Variants in TUSC3 observed in about 807,000 individuals in gnomAD.
The protein encoded by TUSC3 is tumor suppressor candidate 3.
In TUSC3, 45 loss-of-function variants were observed where a neutral mutation model predicts 44.8. That is an observed-to-expected ratio of 1.00 (90% confidence interval 0.79 to 1.29). The LOEUF is 1.29. Among genes scored for constraint, TUSC3 ranks in the 50% most tolerant of loss-of-function variants. The pLI is 0.00. For missense variants in TUSC3, 519 were observed against 437.9 expected (o/e 1.19, Z -1.65); for synonymous variants, 212 against 152.9 (o/e 1.39, Z -2.85).
At position 15,764,388 on chromosome 8, in the gene TUSC3, G is replaced by T. The variant is rs1812270079; in HGVS notation, c.*232G>T. On this transcript the variant is annotated 3_prime_UTR_variant, in exon 11 of 11. Coordinates refer to ENST00000503731, the MANE Select transcript of TUSC3 (RefSeq NM_006765.4). ...ATTTAATTTACAGAAATCAATGGTA[G>T]CATTTAGTAATCTACAAAGGAAATA... The T allele has an allele frequency of 1.6e-6, 1 of 644,468 alleles. No homozygotes were observed. The allele number at this position is 644,468 out of a possible 1,614,324, so 39.9% of individuals were successfully genotyped here. A position where few individuals can be genotyped will look rare whatever the true frequency, so the allele number is the denominator to read the frequency against.
At chr8:15,788,014 A>C in the TUSC3 span, among the ~76,000 whole-genome samples, 1 of 152,156 alleles carries the variant, frequency 6.6e-6, no homozygotes, top group African/African-American at 2.4e-5. Flanking sequence ...CATAACTTTC[A>C]GGGGAACATT....
chr8:15,535,491 C>T (rs1801509183), upstream of TUSC3, among the ~76,000 whole-genome samples: 2 of 152,066 alleles, frequency 1.3e-5, no homozygotes, highest in Admixed American at 6.6e-5. Flanking sequence ...AAGTTTCTAC[C>T]GTCCTAGAGC....
In TUSC3 at chr8:15,623,072, A is replaced by G; in HGVS notation, c.139-8A>G. ...TTTGTAAATGTTAATTTCTGTGTTT[A>G]ATTGCAGAATCTTTTAGCTGAAAAA... On this transcript the variant is annotated splice_polypyrimidine_tract_variant and splice_region_variant and intron_variant, in intron 1 of 10. Transcript: ENST00000503731. 1 of 1,613,342 alleles carries G rather than the reference A, an allele frequency of 6.2e-7. No individual in the cohort carries two copies. Among genetic ancestry groups the G allele is most frequent in the South Asian group, 1.1e-5 (1 of 90,980 alleles).
At chr8:15,754,951 G>C (rs530606833) in intron 9 of TUSC3, among the ~76,000 whole-genome samples, 3 of 151,836 alleles carry the variant, frequency 2.0e-5, no homozygotes, top group Admixed American at 6.6e-5. Context: ...TATTTTTTCA[G>C]TACTTCATAG....
At chr8:15,792,180 TTAA>T in the TUSC3 span, among the ~76,000 whole-genome samples, 4,252 of 152,116 alleles carry the variant, frequency 0.028, 110 homozygotes, top group South Asian at 0.11. Context: ...AATAATTTAT[TTAA>T]TATTATTGAA....
intron 1 of TUSC3, among the ~76,000 whole-genome samples, chr8:15,438,345 C>T (rs1043111403): frequency 7.2e-5 from 11 of 152,200 alleles, no homozygotes; most frequent in Non-Finnish European, 1.6e-4. Flanking sequence ...GTCCGCCTGC[C>T]TCGGCCCCCC....
intron 2 of TUSC3, among the ~76,000 whole-genome samples, chr8:15,517,478 A>G (rs901487152): frequency 6.9e-6 from 1 of 144,170 alleles, no homozygotes; most frequent in African/African-American, 2.5e-5. Flanking sequence ...ATAATGACTG[A>G]AAATCTAAAT....
At chr8:15,651,432 T>G (rs1462940783) in intron 3 of TUSC3, among the ~76,000 whole-genome samples, 1 of 152,242 alleles carries the variant, frequency 6.6e-6, no homozygotes, top group Non-Finnish European at 1.5e-5. Flanking sequence ...AATTCATAAG[T>G]TGAAGCCATA....
intron 6 of TUSC3, among the ~76,000 whole-genome samples, chr8:15,715,517 A>T (rs1225555550): frequency 6.6e-6 from 1 of 152,104 alleles, no homozygotes; most frequent in Non-Finnish European, 1.5e-5. Context: ...AGGACACAGC[A>T]GGATGGCATG....
intron 1 of TUSC3, among the ~76,000 whole-genome samples, chr8:15,424,294 T>G (rs1799777855): frequency 6.6e-6 from 1 of 151,866 alleles, no homozygotes; most frequent in African/African-American, 2.4e-5. Context: ...TCCCTGGCTG[T>G]CTCAGGAGTG....
At chr8:15,706,020 T>A (rs1809602517) in intron 6 of TUSC3, among the ~76,000 whole-genome samples, 1 of 151,988 alleles carries the variant, frequency 6.6e-6, no homozygotes, top group Admixed American at 6.6e-5. Context: ...TTATACATGG[T>A]TGGATCTCTC....
chr8:15,653,733 T>C (rs1314423849), intron 3 of TUSC3, among the ~76,000 whole-genome samples: 1 of 152,226 alleles, frequency 6.6e-6, no homozygotes, highest in Admixed American at 6.5e-5. Context: ...GAGAAGTATA[T>C]GTTTTGCTTC....
At chr8:15,584,049 C>A (rs1037779897) in intron 1 of TUSC3, among the ~76,000 whole-genome samples, 3 of 151,150 alleles carry the variant, frequency 2.0e-5, no homozygotes, top group Admixed American at 6.6e-5. Context: ...TACTTAAAGG[C>A]AGTGTAATCA....
chr8:15,573,068 A>C (rs116579885), intron 1 of TUSC3, among the ~76,000 whole-genome samples: 1 of 151,860 alleles, frequency 6.6e-6, no homozygotes, highest in Admixed American at 6.6e-5. Flanking sequence ...TCAACCTTCA[A>C]TTTGTAAAAA....
chr8:15,632,030 A>G (rs893223301), intron 2 of TUSC3, among the ~76,000 whole-genome samples: 9 of 152,078 alleles, frequency 5.9e-5, no homozygotes, highest in Non-Finnish European at 1.2e-4. Context: ...TATAATTAGA[A>G]CACCATTATA....
intron 1 of TUSC3, among the ~76,000 whole-genome samples, chr8:15,466,725 G>T (rs1252960273): frequency 6.6e-6 from 1 of 151,982 alleles, no homozygotes; most frequent in Non-Finnish European, 1.5e-5. Flanking sequence ...TGTTTTTGTT[G>T]TTGCTATTGT....
intron 6 of TUSC3, among the ~76,000 whole-genome samples, chr8:15,685,463 G>T (rs1170832480): frequency 6.6e-6 from 1 of 152,006 alleles, no homozygotes; most frequent in Non-Finnish European, 1.5e-5. Context: ...ACAGTTCCCG[G>T]CTGTTTCTAG....
At chr8:15,715,434 A>C (rs922914498) in intron 6 of TUSC3, among the ~76,000 whole-genome samples, 32 of 152,070 alleles carry the variant, frequency 2.1e-4, no homozygotes, top group African/African-American at 6.8e-4. Context: ...TGAGCAACCC[A>C]CTAAGTGACT....
intron 1 of TUSC3, among the ~76,000 whole-genome samples, chr8:15,462,185 G>C (rs1800355042): frequency 6.6e-6 from 1 of 152,034 alleles, no homozygotes; most frequent in Non-Finnish European, 1.5e-5. Flanking sequence ...CATATACCAA[G>C]CCTACTTCTG....
Sources: gnomAD v4.1 joint callset for allele counts (sites outside exome capture counted in the v4.1 genomes callset) on GRCh38, gnomAD v4.1.1 for gene constraint, MANE v1.5 for transcripts, NCBI Gene and HGNC (gene_info 2026-07-23, HGNC 2026-07-21) for gene names.